BID: variants seen among roughly 807,000 people sequenced by gnomAD.
The protein encoded by BID is BH3-interacting domain death agonist.
A neutral mutation model predicts 17.4 loss-of-function variants in BID; 19 were observed. The ratio of observed to expected loss-of-function variants is 1.09; its 90% CI spans 0.76 to 1.60. The LOEUF is 1.60. Ranked by LOEUF, BID falls within the 40% of genes most tolerant of loss-of-function variation. BID has a pLI of 0.00. For synonymous variants in BID, 108 were observed against 102.8 expected (o/e 1.05, Z -0.31); for missense variants, 226 against 256.0 (o/e 0.88, Z 0.80).
intron 1 of BID, among the ~76,000 whole-genome samples, chr22:17,753,418 T>C (rs915897227): frequency 1.3e-5 from 2 of 152,162 alleles, no homozygotes; most frequent in Non-Finnish European, 2.9e-5. Context: ...CCCCATCCCT[T>C]GGGACATGAG....
At chr22:17,754,659 C>A (rs958207842) in intron 1 of BID, among the ~76,000 whole-genome samples, 1 of 152,256 alleles carries the variant, frequency 6.6e-6, no homozygotes, top group African/African-American at 2.4e-5. Flanking sequence ...CAGATATCTG[C>A]AGGGCAGTCC....
chr22:17,737,954 A>C, intron 5 of BID, 63 bp downstream of exon 5: 1 of 1,579,014 alleles, frequency 6.3e-7, no homozygotes, highest in East Asian at 2.2e-5. Context: ...TGGGCTTCTC[A>C]ACCTTCCAGA....
intron 5 of BID, among the ~76,000 whole-genome samples, chr22:17,736,327 T>C (rs4819625): frequency 0.14 from 21,290 of 151,796 alleles, 1,723 homozygotes; most frequent in African/African-American, 0.19. Flanking sequence ...CATGGTGGTG[T>C]GTGCCTGTAA....
chr22:17,735,317 A>C lies in BID; in HGVS notation c.*263T>G. 4.4e-6 allele frequency: 2 copies of C among 458,522 alleles called. No individual in the cohort carries two copies. The highest frequency in any genetic ancestry group is 3.5e-5 in the South Asian group (1 of 28,844). The allele number at this position is 458,522 out of a possible 1,614,324, so 28.4% of individuals were successfully genotyped here. On this transcript the variant is annotated 3_prime_UTR_variant, in exon 6 of 6. Transcript: ENST00000622694. Reference sequence around the variant, plus strand: ...AAATAAAGGCACCGTGTGTAGATTTACAGATGTGCAGATTCATGTGTGGAT... The same window carrying C: ...AAATAAAGGCACCGTGTGTAGATTTCCAGATGTGCAGATTCATGTGTGGAT...
chr22:17,756,415 TC>T (rs879602781), intron 1 of BID, among the ~76,000 whole-genome samples: 74,903 of 125,818 alleles, frequency 0.6, 22,651 homozygotes, highest in East Asian at 0.84. Flanking sequence ...TTTTTCTCTT[TC>T]TTTCTTTCTT....
intron 1 of BID, among the ~76,000 whole-genome samples, chr22:17,761,560 T>C (rs934746683): frequency 6.6e-6 from 1 of 151,320 alleles, no homozygotes; most frequent in African/African-American, 2.4e-5. Flanking sequence ...GCCTCCCGAG[T>C]AGCTGGGACT....
chr22:17,773,736 T>A lies in BID; in HGVS notation c.-59+645A>T. 6.4e-7 allele frequency: 1 copy of A among 1,574,414 alleles called. No individual in the cohort carries two copies. The highest frequency in any genetic ancestry group is 8.6e-7 in the Non-Finnish European group (1 of 1,157,178). On this transcript the variant is annotated intron_variant, in intron 1 of 5. Transcript: ENST00000622694. The surrounding 1 kb of genome is among the most constrained non-coding windows in gnomAD (Gnocchi z 4.4). ...ATGAACCCTTGCCAGCCCAGCCACT[T>A]GGTGGCTGAGGGCTTCAGAGCTCTC...
chr22:17,771,342 G>A (rs1005573259), intron 1 of BID, among the ~76,000 whole-genome samples: 5 of 152,050 alleles, frequency 3.3e-5, no homozygotes, highest in Non-Finnish European at 5.9e-5. Flanking sequence ...CTCATGATCC[G>A]CCCAACTCGG....
chr22:17,756,500 CTCTCTT>C (rs1435517656), intron 1 of BID, among the ~76,000 whole-genome samples: 19 of 142,964 alleles, frequency 1.3e-4, no homozygotes, highest in Admixed American at 9.0e-4. Context: ...TTCTTTCTCT[CTCTCTT>C]TCTGTCTGTC....
Position 17,769,872 on chromosome 22 carries a change from C to T in BID, c.-59+4509G>A, listed in dbSNP as rs1389452948. On this transcript the variant is annotated intron_variant, in intron 1 of 5. Transcript: ENST00000622694. The surrounding 1 kb of genome is among the most constrained non-coding windows in gnomAD (Gnocchi z 4.8). ...CCAGTCCCAATACCAGGCCTGGTCA[C>T]GTGGTGCCCCGCCAGGCTTGGGGGT... 9.2e-5 allele frequency among the ~76,000 whole-genome samples: 14 copies of T among 152,114 alleles called. No individual in the cohort carries two copies. The highest frequency in any genetic ancestry group is 5.9e-4 in the Admixed American group (9 of 15,278).
intron 5 of BID, among the ~76,000 whole-genome samples, chr22:17,737,047 C>T (rs1398384724): frequency 3.3e-5 from 5 of 152,114 alleles, no homozygotes; most frequent in Non-Finnish European, 5.9e-5. Flanking sequence ...CTTCATGATC[C>T]GCCTGCCTTG....
At chr22:17,756,889 C>T (rs1239400604) in intron 1 of BID, among the ~76,000 whole-genome samples, 2 of 151,780 alleles carry the variant, frequency 1.3e-5, no homozygotes, top group Admixed American at 6.6e-5. Flanking sequence ...GATTCTTTAA[C>T]ACAAAAGGGC....
At chr22:17,751,618 C>G (rs989245160) in intron 1 of BID, among the ~76,000 whole-genome samples, 1 of 152,318 alleles carries the variant, frequency 6.6e-6, no homozygotes, top group East Asian at 1.9e-4. Context: ...TGTGCCCAGG[C>G]AGAGAGGAGG....
rs1223193734 is a variant in BID at position 17,740,501 on chromosome 22, C to A, written c.224-1013G>T. On this transcript the variant is annotated intron_variant, in intron 3 of 5. Coordinates refer to ENST00000622694, the MANE Select transcript of BID (RefSeq NM_001196.4). ...CTGGAGTGCAGTGGCGCGATCTCGGCTCACTGCAACCTTCGCCTCCTGGGT... is the reference window on the plus strand; with the variant it reads ...CTGGAGTGCAGTGGCGCGATCTCGGATCACTGCAACCTTCGCCTCCTGGGT... 1.2e-5 allele frequency: 3 copies of A among 247,742 alleles called. No individual in the cohort carries two copies. In the Admixed American group the frequency reaches 1.4e-4, roughly 12 times the overall value. 15.3% of individuals were successfully genotyped at this position (247,742 alleles called of 1,614,324 possible).
chr22:17,739,457 A>C lies in BID; in HGVS notation c.255T>G (p.Asn85Lys), dbSNP rs991416275. The change falls in exon 4 of 6, where the codon AAT (asparagine) becomes AAG (lysine). Residue 85 changes from asparagine to lysine, a missense_variant. Transcript: ENST00000622694. ...CGACCTGGGCGAGGTGCCTGGCAATATTCCGGATGATGTCTTCTTGACTTT... is the reference window on the plus strand; with the variant it reads ...CGACCTGGGCGAGGTGCCTGGCAATCTTCCGGATGATGTCTTCTTGACTTT... ...DSESQEDIIR[N>K]IARHLAQVGD... 2 of 1,612,358 alleles carry C rather than the reference A, an allele frequency of 1.2e-6. No individual in the cohort carries two copies. Among genetic ancestry groups the C allele is most frequent in the African/African-American group, 2.7e-5 (2 of 74,928 alleles).
At chr22:17,742,563 A>G (rs1018237497) in intron 3 of BID, among the ~76,000 whole-genome samples, 2 of 137,086 alleles carry the variant, frequency 1.5e-5, no homozygotes, top group Non-Finnish European at 3.1e-5. Flanking sequence ...GGGAGGCAGA[A>G]GGCTGGGTCA....
chr22:17,740,316 G>T lies in BID; in HGVS notation c.224-828C>A, dbSNP rs941957277. The T allele has an allele frequency of 4.7e-5, 34 of 724,484 alleles. 1 individual carries two copies. In the South Asian group the frequency reaches 5.6e-4, roughly 12 times the overall value. The allele number at this position is 724,484 out of a possible 1,614,324, so 44.9% of individuals were successfully genotyped here. A position where few individuals can be genotyped will look rare whatever the true frequency, so the allele number is the denominator to read the frequency against. On this transcript the variant is annotated intron_variant, in intron 3 of 5. Coordinates refer to ENST00000622694, the MANE Select transcript of BID (RefSeq NM_001196.4). ...GGACCAGGTGTGGTCATGCATGCCT[G>T]TAATCCCAGTGCTTTGGGAGGCTGA...
chr22:17,753,775 C>T (rs997245111), intron 1 of BID, among the ~76,000 whole-genome samples: 7 of 152,340 alleles, frequency 4.6e-5, no homozygotes, highest in South Asian at 2.1e-4. Flanking sequence ...AGATGGGAAA[C>T]GGGAAATACC....
At chr22:17,740,290 G>A in intron 3 of BID, 1 of 929,154 alleles carries the variant, frequency 1.1e-6, no homozygotes. Flanking sequence ...AACAATGGCA[G>A]GGACCAGGTG....
Sources: allele counts gnomAD v4.1 joint callset (sites outside exome capture counted in the v4.1 genomes callset), GRCh38; gene constraint gnomAD v4.1.1; non-coding constraint Gnocchi (gnomAD v3.1); transcripts MANE v1.5; gene names NCBI Gene and HGNC (gene_info 2026-07-23, HGNC 2026-07-21).